TASP1: variants seen among roughly 807,000 people sequenced by gnomAD.
The protein encoded by TASP1 is threonine aspartase 1.
In TASP1, 16 loss-of-function variants were observed where a neutral mutation model predicts 56.6. That is an observed-to-expected ratio of 0.28 (90% CI 0.19 to 0.43). The LOEUF (loss-of-function observed/expected upper bound fraction) is 0.43, where lower values mean the gene tolerates loss of function less well. Ranked by LOEUF, TASP1 falls within the 20% of genes least tolerant of loss-of-function variation. The pLI, the probability that TASP1 is intolerant of heterozygous loss-of-function variation, is 1.00. For synonymous variants in TASP1, 179 were observed against 184.2 expected (o/e 0.97, Z 0.23); for missense variants, 393 against 511.6 (o/e 0.77, Z 2.24).
chr20:13,295,118 G>C, the TASP1 span, among the ~76,000 whole-genome samples: 1 of 152,166 alleles, frequency 6.6e-6, no homozygotes, highest in Admixed American at 6.5e-5. Flanking sequence ...TCCTGGGTCA[G>C]AGCTGGAGTC....
At chr20:13,178,847 T>G in the TASP1 span, among the ~76,000 whole-genome samples, 1 of 152,014 alleles carries the variant, frequency 6.6e-6, no homozygotes, top group Non-Finnish European at 1.5e-5. Flanking sequence ...GAGAAATAGG[T>G]TCTAGTGTTC....
intron 2 of TASP1, among the ~76,000 whole-genome samples, chr20:13,626,792 C>A (rs2048907860): frequency 6.6e-6 from 1 of 152,100 alleles, no homozygotes; most frequent in Non-Finnish European, 1.5e-5. Context: ...AGCAGCATTT[C>A]CTAAAGCATG....
chr20:13,213,904 C>T, the TASP1 span, among the ~76,000 whole-genome samples: 1 of 152,110 alleles, frequency 6.6e-6, no homozygotes, highest in African/African-American at 2.4e-5. Flanking sequence ...TCTGCAAAAT[C>T]AGCTGACCTA....
At chr20:13,545,831 A>C (rs566280044) in intron 8 of TASP1, among the ~76,000 whole-genome samples, 9 of 152,224 alleles carry the variant, frequency 5.9e-5, no homozygotes, top group African/African-American at 2.2e-4. Flanking sequence ...ATCCATTTGC[A>C]GGCCTCTGAA....
the TASP1 span, among the ~76,000 whole-genome samples, chr20:13,163,189 G>A: frequency 6.6e-6 from 1 of 151,846 alleles, no homozygotes. Context: ...CCAACATGGT[G>A]AAACCCCATC....
intron 10 of TASP1, among the ~76,000 whole-genome samples, chr20:13,483,763 C>G (rs1199433933): frequency 6.6e-6 from 1 of 152,128 alleles, no homozygotes; most frequent in African/African-American, 2.4e-5. Flanking sequence ...GACTTCATGT[C>G]TAAAACACCA....
chr20:13,562,915 A>ATGTG lies in TASP1; in HGVS notation c.569-3805_569-3802dup, dbSNP rs199844282. ...ATTATATCTCTATATACATATATATATGTGTGTGTGTGTGTGTGTGTGTGT... is the reference window on the plus strand; with the variant it reads ...ATTATATCTCTATATACATATATATATGTGTGTGTGTGTGTGTGTGTGTGTGTGT... On this transcript the variant is annotated intron_variant, in intron 7 of 13. Transcript: ENST00000337743. Among the ~76,000 whole-genome samples the ATGTG allele has an allele frequency of 6.5e-4, 84 of 128,684 alleles. 1 individual carries two copies. The highest frequency in any genetic ancestry group is 1.4e-3 in the African/African-American group (47 of 33,602). The allele number at this position is 128,684 out of a possible 152,430, so 84.4% of individuals were successfully genotyped here.
the TASP1 span, among the ~76,000 whole-genome samples, chr20:13,221,250 C>CT: frequency 6.8e-6 from 1 of 146,314 alleles, no homozygotes; most frequent in Non-Finnish European, 1.5e-5. Context: ...CCTCCTCCTC[C>CT]TCCTCCTCCT....
At chr20:13,406,501 G>C (rs1211676696) in intron 13 of TASP1, among the ~76,000 whole-genome samples, 2 of 152,036 alleles carry the variant, frequency 1.3e-5, no homozygotes, top group Non-Finnish European at 2.9e-5. Context: ...ATAAAATACT[G>C]AATAGAAGTG....
At chr20:13,498,213 T>C (rs1490871076) in intron 10 of TASP1, among the ~76,000 whole-genome samples, 2 of 152,166 alleles carry the variant, frequency 1.3e-5, no homozygotes, top group South Asian at 4.1e-4. Flanking sequence ...TTGCAAACTA[T>C]GTTTCTGACA....
At chr20:13,347,706 G>A in the TASP1 span, among the ~76,000 whole-genome samples, 1 of 152,274 alleles carries the variant, frequency 6.6e-6, no homozygotes, top group Admixed American at 6.5e-5. Context: ...TGGGTGTTTT[G>A]TGGCACTTGC....
the TASP1 span, among the ~76,000 whole-genome samples, chr20:13,204,351 T>C: frequency 2.0e-5 from 3 of 152,110 alleles, no homozygotes; most frequent in Non-Finnish European, 4.4e-5. Flanking sequence ...TCCTCTGCCA[T>C]TTCCGGGATC....
chr20:13,308,194 A>G, the TASP1 span, among the ~76,000 whole-genome samples: 1 of 152,220 alleles, frequency 6.6e-6, no homozygotes, highest in African/African-American at 2.4e-5. Flanking sequence ...ACAAAAAGGA[A>G]TAGACAGGAA....
the TASP1 span, among the ~76,000 whole-genome samples, chr20:13,378,457 A>G: frequency 6.6e-6 from 1 of 151,976 alleles, no homozygotes; most frequent in African/African-American, 2.4e-5. Flanking sequence ...TATGATTTCC[A>G]TTGTTTTGCA....
At chr20:13,542,393 C>T (rs1430946857) in intron 8 of TASP1, among the ~76,000 whole-genome samples, 1 of 152,094 alleles carries the variant, frequency 6.6e-6, no homozygotes, top group Admixed American at 6.6e-5. Context: ...AAAGTAAAAA[C>T]AGAGAAATCA....
chr20:13,183,281 T>C, the TASP1 span, among the ~76,000 whole-genome samples: 1 of 152,202 alleles, frequency 6.6e-6, no homozygotes, highest in Non-Finnish European at 1.5e-5. Flanking sequence ...GCCAGACGTG[T>C]GGGTGAATCC....
chr20:13,614,359 C>T (rs368499862), intron 4 of TASP1, among the ~76,000 whole-genome samples: 5 of 151,200 alleles, frequency 3.3e-5, no homozygotes, highest in African/African-American at 1.2e-4. Flanking sequence ...CAACAACATA[C>T]GTAGTAGAAA....
the TASP1 span, among the ~76,000 whole-genome samples, chr20:13,223,471 G>A: frequency 6.6e-6 from 1 of 152,196 alleles, no homozygotes; most frequent in Non-Finnish European, 1.5e-5. Context: ...GAGGTACAGA[G>A]AGGTTAAAAA....
chr20:13,330,615 G>C, the TASP1 span, among the ~76,000 whole-genome samples: 14 of 152,268 alleles, frequency 9.2e-5, no homozygotes, highest in African/African-American at 3.4e-4. Context: ...ATGTTTAGTA[G>C]AATATGTCAG....
Sources: allele counts gnomAD v4.1 joint callset (sites outside exome capture counted in the v4.1 genomes callset), GRCh38; gene constraint gnomAD v4.1.1; transcripts MANE v1.5; gene names NCBI Gene and HGNC (gene_info 2026-07-23, HGNC 2026-07-21).